Variants in CSPP1 observed in about 807,000 individuals in gnomAD.
CSPP1 encodes the protein centrosome and spindle pole associated protein 1, also known as centrosome and spindle pole-associated protein 1.
In CSPP1, 126 loss-of-function variants were observed where a neutral mutation model predicts 164.4. The ratio of observed to expected loss-of-function variants is 0.77; its 90% CI spans 0.66 to 0.89. CSPP1 has a LOEUF of 0.89. Ranked by LOEUF, CSPP1 falls within the 40% of genes least tolerant of loss-of-function variation. The pLI, the probability that CSPP1 is intolerant of heterozygous loss-of-function variation, is 0.00. For synonymous variants in CSPP1, 472 were observed against 476.7 expected, an observed-to-expected ratio of 0.99 and a Z score of 0.13; for missense variants, 1,395 against 1,449.8, an observed-to-expected ratio of 0.96 and a Z score of 0.61.
chr8:67,095,971 T>C (rs548850215), intron 7 of CSPP1, among the ~76,000 whole-genome samples: 2 of 152,152 alleles, frequency 1.3e-5, no homozygotes, highest in South Asian at 2.1e-4. Context: ...CTACACCCTT[T>C]ATGTAAAAGT....
In CSPP1 at chr8:67,111,991, TA is replaced by T; in HGVS notation, c.1114del (p.Ile372PhefsTer10). 6.2e-7 allele frequency: 1 copy of T among 1,610,016 alleles called. No individual in the cohort carries two copies. The highest frequency in any genetic ancestry group is 8.5e-7 in the Non-Finnish European group (1 of 1,177,586). On this transcript the variant is annotated frameshift_variant, in exon 10 of 31. Coordinates refer to ENST00000678616, the MANE Select transcript of CSPP1 (RefSeq NM_001382391.1). LOFTEE classifies it high-confidence loss of function. ...ATCTAGGAGGTGAAGATCGAGAACT[TA>T]TTCAGAGAAGGAAAGAGAAATACAG... ...MLFGGEDRELIQRRKEKYRLE... is the reference protein window; with the variant it reads ...MLFGGEDRELXQRRKEKYRLE...
intron 18 of CSPP1, among the ~76,000 whole-genome samples, chr8:67,150,535 C>T (rs755318032): frequency 6.6e-6 from 1 of 152,180 alleles, no homozygotes; most frequent in South Asian, 2.1e-4. Flanking sequence ...TCCCAAGTAG[C>T]TGGAATCACA....
At chr8:67,076,931 TAAAG>T (rs1012345266) in intron 3 of CSPP1, among the ~76,000 whole-genome samples, 17 of 152,178 alleles carry the variant, frequency 1.1e-4, no homozygotes, top group East Asian at 1.9e-4. Context: ...ATTTAAAAAT[TAAAG>T]AAATATGCTT....
At chr8:67,123,394 G>C (rs777825166) in intron 15 of CSPP1, among the ~76,000 whole-genome samples, 9 of 152,060 alleles carry the variant, frequency 5.9e-5, no homozygotes, top group Non-Finnish European at 1.0e-4. Context: ...TAATATAAAT[G>C]TTGCTGTTCT....
intron 3 of CSPP1, among the ~76,000 whole-genome samples, chr8:67,082,329 C>T (rs569267822): frequency 2.0e-5 from 3 of 152,296 alleles, no homozygotes; most frequent in East Asian, 1.9e-4. Flanking sequence ...GGATTACAGG[C>T]GTGACCCACA....
chr8:67,154,436 C>T (rs904151628), intron 19 of CSPP1, among the ~76,000 whole-genome samples: 5 of 152,150 alleles, frequency 3.3e-5, no homozygotes, highest in East Asian at 1.9e-4. Context: ...GTGAGATCTT[C>T]GCTCACTGCA....
chr8:67,106,997 T>G (rs1815691066), intron 9 of CSPP1, among the ~76,000 whole-genome samples: 1 of 152,040 alleles, frequency 6.6e-6, no homozygotes, highest in Non-Finnish European at 1.5e-5. Flanking sequence ...TTCTTTTTGT[T>G]TTGTTTTTAT....
rs1473171867 is a variant in CSPP1, at chr8:67,181,337, CA to C, written c.3220+1412del. 1.4e-3 allele frequency among the ~76,000 whole-genome samples: 194 copies of C among 141,068 alleles called. 1 individual carries two copies. Among genetic ancestry groups the C allele is most frequent in the African/African-American group, 5.3e-3 (186 of 35,310 alleles). The allele number at this position is 141,068 out of a possible 152,430, so 92.5% of individuals were successfully genotyped here. ...ACAGGCATGAGCCACTGTACCTGGC[CA>C]TTTTTTTTTTTTTTTTTTTTTTTAA... is the stretch of plus-strand genomic sequence containing the variant. On this transcript the variant is annotated intron_variant, in intron 28 of 30. Coordinates refer to ENST00000678616, the MANE Select transcript of CSPP1 (RefSeq NM_001382391.1).
chr8:67,131,048 G>A (rs1456778131), intron 15 of CSPP1, among the ~76,000 whole-genome samples: 2 of 152,018 alleles, frequency 1.3e-5, no homozygotes, highest in African/African-American at 4.8e-5. Context: ...TTATAATTTA[G>A]ATTTCTAAAA....
chr8:67,069,956 A>C (rs1806375893), intron 1 of CSPP1, among the ~76,000 whole-genome samples: 1 of 151,454 alleles, frequency 6.6e-6, no homozygotes, highest in African/African-American at 2.4e-5. Flanking sequence ...CACCGCCCCC[A>C]ACCTAGATAA....
intron 21 of CSPP1, among the ~76,000 whole-genome samples, chr8:67,159,954 CTTCTTTCTTTTCTTTTCTTTTCTTTTCTT>C (rs1269331312): frequency 9.9e-4 from 31 of 31,446 alleles, no homozygotes; most frequent in South Asian, 2.7e-3. Flanking sequence ...TCCTTCCTTC[CTTCTTTCTTTTCTTTTCTTTTCTTTTCTT>C]TTCTTTTCTT....
chr8:67,096,446 T>A (rs1586041692), intron 7 of CSPP1, among the ~76,000 whole-genome samples: 3 of 151,872 alleles, frequency 2.0e-5, no homozygotes, highest in Non-Finnish European at 4.4e-5. Context: ...GCATCTGTAA[T>A]CCCAGCTACT....
At chr8:67,185,682 G>C (rs1272860068) in intron 28 of CSPP1, among the ~76,000 whole-genome samples, 2 of 152,184 alleles carry the variant, frequency 1.3e-5, no homozygotes, top group East Asian at 3.9e-4. Context: ...TCTACCCCTG[G>C]AGGTGGTAGC....
intron 18 of CSPP1, among the ~76,000 whole-genome samples, chr8:67,151,507 G>A (rs906409496): frequency 6.6e-6 from 1 of 151,826 alleles, no homozygotes; most frequent in East Asian, 1.9e-4. Flanking sequence ...TAGAACTTTC[G>A]CTATCTTAGT....
At chr8:67,103,190 G>GTAA in intron 8 of CSPP1, 55 bp downstream of exon 8, 4 of 1,102,656 alleles carry the variant, frequency 3.6e-6, no homozygotes, top group Non-Finnish European at 5.4e-6. Flanking sequence ...GAAACAGAAT[G>GTAA]TGCCTAAAAC....
At chr8:67,157,770 T>G (rs75067425) in intron 19 of CSPP1, 3,591 of 152,328 alleles carry the variant, frequency 0.024, 56 homozygotes, top group Admixed American at 0.044. Context: ...GGACTATCTA[T>G]CTCTTAGGGC....
At chr8:67,178,165 C>T (rs967319974) in intron 27 of CSPP1, among the ~76,000 whole-genome samples, 1 of 152,230 alleles carries the variant, frequency 6.6e-6, no homozygotes, top group Non-Finnish European at 1.5e-5. Context: ...AAAGCCCTTA[C>T]AGCAGTCCTG....
At chr8:67,075,557 A>G (rs910067843) in intron 2 of CSPP1, among the ~76,000 whole-genome samples, 2 of 152,212 alleles carry the variant, frequency 1.3e-5, no homozygotes, top group African/African-American at 4.8e-5. Flanking sequence ...GTAATTTTCC[A>G]GATGAGTAAA....
intron 7 of CSPP1, among the ~76,000 whole-genome samples, chr8:67,096,285 G>T (rs1444551270): frequency 6.6e-6 from 1 of 152,160 alleles, no homozygotes; most frequent in African/African-American, 2.4e-5. Flanking sequence ...ATTAAAATGT[G>T]GCCAGGCATG....
Sources: allele counts gnomAD v4.1 joint callset (sites outside exome capture counted in the v4.1 genomes callset), GRCh38; gene constraint gnomAD v4.1.1; transcripts MANE v1.5; gene names NCBI Gene and HGNC (gene_info 2026-07-23, HGNC 2026-07-21).